PTPRD: variants seen among roughly 807,000 people sequenced by gnomAD.
PTPRD encodes the protein receptor-type tyrosine-protein phosphatase delta.
Under a neutral mutation model 214.5 loss-of-function variants are expected in PTPRD, and 34 were observed. The observed-to-expected ratio is 0.16, with a 90% confidence interval of 0.12 to 0.21. The LOEUF is 0.21. PTPRD is among the 10% of genes least tolerant of loss of function. The probability of loss-of-function intolerance (pLI) is 1.00; values close to 1 mark genes in which losing one functional copy is unlikely to be tolerated. For synonymous variants in PTPRD, 1,128 were observed against 845.7 expected, an observed-to-expected ratio of 1.33 and a Z score of -5.79; for missense variants, 2,545 against 2,398.7, an observed-to-expected ratio of 1.06 and a Z score of -1.27.
chr9:9,457,614 AT>A (rs2093189141), intron 8 of PTPRD, among the ~76,000 whole-genome samples: 1 of 152,038 alleles, frequency 6.6e-6, no homozygotes, highest in African/African-American at 2.4e-5. Flanking sequence ...TATGGGAAAG[AT>A]TTCACTGTGA....
rs531123252 is a variant in PTPRD, at chr9:8,950,727, G to A, written c.-104+67970C>T. On this transcript the variant is annotated intron_variant, in intron 11 of 45. Coordinates refer to ENST00000381196, the MANE Select transcript of PTPRD (RefSeq NM_002839.4). The stretch of plus-strand genomic sequence containing the variant: ...TTTTCTTTTTTTTTTTTTAAATAGA[G>A]CTTGAAAGAATCTAAGAGCGATTCC... 6.7e-5 allele frequency among the ~76,000 whole-genome samples: 10 copies of A among 149,100 alleles called. No homozygotes were observed. In the East Asian group the frequency reaches 1.6e-3, roughly 23 times the overall value.
intron 7 of PTPRD, among the ~76,000 whole-genome samples, chr9:9,613,490 T>G (rs1172191868): frequency 1.3e-5 from 2 of 152,124 alleles, no homozygotes; most frequent in Non-Finnish European, 2.9e-5. Flanking sequence ...TGTTGTGAGT[T>G]TCTTCATGAT....
chr9:8,996,698 T>C (rs62529157), intron 11 of PTPRD, among the ~76,000 whole-genome samples: 2,134 of 152,132 alleles, frequency 0.014, 29 homozygotes, highest in Middle Eastern at 0.024. Flanking sequence ...GCAGAAGGGG[T>C]AAACAAGCTC....
chr9:8,377,393 A>G (rs2083575268), intron 37 of PTPRD, among the ~76,000 whole-genome samples: 1 of 152,114 alleles, frequency 6.6e-6, no homozygotes, highest in Admixed American at 6.6e-5. Flanking sequence ...ATAATCTACA[A>G]TTTCTATGTG....
chr9:10,122,381 A>C (rs1024335695), intron 3 of PTPRD, among the ~76,000 whole-genome samples: 4 of 152,216 alleles, frequency 2.6e-5, no homozygotes, highest in African/African-American at 7.2e-5. Context: ...AATGAAAATA[A>C]TTTATCCAAC....
At chr9:10,465,269 A>G (rs1432539544) in intron 2 of PTPRD, among the ~76,000 whole-genome samples, 1 of 152,220 alleles carries the variant, frequency 6.6e-6, no homozygotes, top group Non-Finnish European at 1.5e-5. Context: ...CATGACATGT[A>G]AAACCTTTGC....
chr9:8,807,598 C>CCTTTTTTT (rs1354383200), intron 11 of PTPRD, among the ~76,000 whole-genome samples: 1 of 135,044 alleles, frequency 7.4e-6, no homozygotes. Flanking sequence ...CTTTGAATAG[C>CCTTTTTTT]TTTTTTTTTT....
chr9:8,670,346 T>G (rs571578795), intron 12 of PTPRD, among the ~76,000 whole-genome samples: 1 of 152,288 alleles, frequency 6.6e-6, no homozygotes, highest in African/African-American at 2.4e-5. Context: ...TGTTTCATTC[T>G]GTATCTCTGT....
In PTPRD at chr9:9,757,911, A is replaced by C. The variant is rs191741782; in HGVS notation, c.-326+8899T>G. Among the ~76,000 whole-genome samples the C allele has an allele frequency of 1.1e-4, 16 of 152,102 alleles. No homozygotes were observed. In the East Asian group the frequency reaches 2.9e-3, roughly 28 times the overall value. ...CCTTCTTTGCACATTGTGGAGCCCA[A>C]GTGAAGCCATTTCCTGGGGGGTTCC... is the stretch of plus-strand genomic sequence containing the variant. On this transcript the variant is annotated intron_variant, in intron 6 of 45. Transcript: ENST00000381196.
intron 39 of PTPRD, among the ~76,000 whole-genome samples, chr9:8,375,545 T>C (rs906604552): frequency 1.3e-5 from 2 of 151,962 alleles, no homozygotes; most frequent in African/African-American, 2.4e-5. Flanking sequence ...GTAATTTTTT[T>C]CCCCTATAAA....
chr9:8,463,900 T>C lies in PTPRD; in HGVS notation c.3714+1566A>G, dbSNP rs16927920. ...TTACTGCAAAATGACTCTAGCTGGATACAAGTCTCTCCTAGGCCTGCAAAT... is the reference window on the plus strand; with the variant it reads ...TTACTGCAAAATGACTCTAGCTGGACACAAGTCTCTCCTAGGCCTGCAAAT... On this transcript the variant is annotated intron_variant, in intron 32 of 45. Transcript: ENST00000381196. 6.7e-3 allele frequency among the ~76,000 whole-genome samples: 1,017 copies of C among 152,030 alleles called. 10 individuals are homozygous for C. Among genetic ancestry groups the C allele is most frequent in the African/African-American group, 0.023 (957 of 41,504 alleles).
At chr9:10,034,143 A>G (rs969579702) in intron 3 of PTPRD, among the ~76,000 whole-genome samples, 3 of 152,108 alleles carry the variant, frequency 2.0e-5, no homozygotes, top group Admixed American at 2.0e-4. Flanking sequence ...TAAAATTCAT[A>G]TGGAAAAAAA....
intron 28 of PTPRD, 79 bp downstream of exon 28, chr9:8,485,683 T>C: frequency 7.8e-7 from 1 of 1,278,870 alleles, no homozygotes; most frequent in Non-Finnish European, 1.1e-6. Context: ...GGCTGATCAG[T>C]TATTATAGCT....
At chr9:9,457,510 C>T (rs1421720069) in intron 8 of PTPRD, among the ~76,000 whole-genome samples, 4 of 151,892 alleles carry the variant, frequency 2.6e-5, no homozygotes, top group Non-Finnish European at 5.9e-5. Flanking sequence ...AATATCAGAA[C>T]ATCCAAGGAG....
intron 7 of PTPRD, among the ~76,000 whole-genome samples, chr9:9,678,047 T>C (rs528637114): frequency 2.0e-5 from 3 of 151,962 alleles, no homozygotes; most frequent in South Asian, 2.1e-4. Flanking sequence ...GAACTACAAA[T>C]CACTGCTCAA....
At chr9:9,721,210 C>T (rs1446771351) in intron 7 of PTPRD, among the ~76,000 whole-genome samples, 1 of 152,044 alleles carries the variant, frequency 6.6e-6, no homozygotes, top group Non-Finnish European at 1.5e-5. Flanking sequence ...AATAGAGGAT[C>T]ATGGAATATC....
intron 11 of PTPRD, among the ~76,000 whole-genome samples, chr9:8,957,844 T>C (rs1178858780): frequency 2.0e-5 from 3 of 151,676 alleles, no homozygotes; most frequent in African/African-American, 7.3e-5. Context: ...GCCAGAATTA[T>C]ATTTATGAGG....
At chr9:10,318,490 G>T (rs587791) in intron 3 of PTPRD, among the ~76,000 whole-genome samples, 43,434 of 151,908 alleles carry the variant, frequency 0.29, 7,825 homozygotes, top group African/African-American at 0.51. Context: ...AGTCAGCAAA[G>T]TAATTGCTTT....
At chr9:9,411,802 A>G (rs2075521138) in intron 8 of PTPRD, among the ~76,000 whole-genome samples, 1 of 146,798 alleles carries the variant, frequency 6.8e-6, no homozygotes, top group African/African-American at 2.7e-5. Flanking sequence ...ATGCACACAC[A>G]AAAAAGATCC....
Sources: allele counts gnomAD v4.1 joint callset (sites outside exome capture counted in the v4.1 genomes callset), GRCh38; gene constraint gnomAD v4.1.1; transcripts MANE v1.5; gene names NCBI Gene and HGNC (gene_info 2026-07-23, HGNC 2026-07-21).